Variants in DPYSL2 observed in about 807,000 individuals in gnomAD.
DPYSL2 encodes the protein dihydropyrimidinase like 2, also known as dihydropyrimidinase-related protein 2.
Under a neutral mutation model 69.9 loss-of-function variants are expected in DPYSL2, and 13 were observed. The observed-to-expected ratio is 0.19, with a 90% confidence interval of 0.12 to 0.30. The LOEUF (loss-of-function observed/expected upper bound fraction) is 0.30. Among genes scored for constraint, DPYSL2 ranks in the 10% least tolerant of loss-of-function variants. The pLI is 1.00. For missense variants in DPYSL2, 587 were observed against 918.9 expected (o/e 0.64, Z 4.67); for synonymous variants, 326 against 359.1 (o/e 0.91, Z 1.04).
In DPYSL2 at chr8:26,582,545, C is replaced by A. The variant is rs1220968183; in HGVS notation, c.443+488C>A. On this transcript the variant is annotated intron_variant, in intron 2 of 13. Transcript: ENST00000521913. The surrounding 1 kb of genome is among the most constrained non-coding windows in gnomAD (Gnocchi z 4.1). ...AATACAGACAAATTACTGCCTAAAT[C>A]CTGAGGGAATTTTAGGTTTTATTCT... Among the ~76,000 whole-genome samples, 8 of 152,176 alleles carry A rather than the reference C, an allele frequency of 5.3e-5. No individual in the cohort carries two copies. The highest frequency in any genetic ancestry group is 2.6e-4 in the Admixed American group (4 of 15,274).
At chr8:26,548,098 A>T in intron 1 of DPYSL2, 1 of 224,858 alleles carries the variant, frequency 4.4e-6, no homozygotes, top group Non-Finnish European at 9.2e-6. Context: ...GATGGACATT[A>T]TTTTGGGATA....
chr8:26,519,305 T>G (rs1808347566), intron 1 of DPYSL2, among the ~76,000 whole-genome samples: 1 of 152,230 alleles, frequency 6.6e-6, no homozygotes, highest in African/African-American at 2.4e-5. Context: ...AGAGACCTAA[T>G]GATTGTTTAA....
chr8:26,616,716 G>T (rs944851044), intron 3 of DPYSL2, among the ~76,000 whole-genome samples: 1 of 152,214 alleles, frequency 6.6e-6, no homozygotes, highest in South Asian at 2.1e-4. Context: ...TCGGAGGGCT[G>T]AGTGATGGCT....
intron 1 of DPYSL2, among the ~76,000 whole-genome samples, chr8:26,526,138 A>T (rs1401293606): frequency 1.3e-5 from 2 of 152,072 alleles, no homozygotes; most frequent in Non-Finnish European, 2.9e-5. Context: ...TGTGTCACCC[A>T]GGCTGGAGTG....
At chr8:26,537,354 A>T (rs577854076) in intron 1 of DPYSL2, among the ~76,000 whole-genome samples, 16 of 152,230 alleles carry the variant, frequency 1.1e-4, no homozygotes, top group Admixed American at 1.0e-3. Context: ...GAGCTGCAGG[A>T]TGATTCAGCA....
At position 26,650,184 on chromosome 8, in the gene DPYSL2, A is replaced by C. The variant is rs116143971; in HGVS notation, c.1597-2073A>C. On this transcript the variant is annotated intron_variant, in intron 11 of 13. Transcript: ENST00000521913. This position sits in a 1 kb window ranked among gnomAD's most constrained non-coding sequence, Gnocchi z 5.3. ...TCTCACATGAGTCCTGCAAAGGGGG[A>C]CCTACTTACCCCTCACAGATGAGGA... Among the ~76,000 whole-genome samples, 284 of 152,230 alleles carry C rather than the reference A, an allele frequency of 1.9e-3. No individual in the cohort carries two copies. The highest frequency in any genetic ancestry group is 6.4e-3 in the African/African-American group (267 of 41,532).
At chr8:26,622,416 A>C (rs1317113661) in intron 3 of DPYSL2, among the ~76,000 whole-genome samples, 1 of 151,786 alleles carries the variant, frequency 6.6e-6, no homozygotes, top group Non-Finnish European at 1.5e-5. Context: ...AAATTTTGTC[A>C]AAAGAAAATT....
At position 26,640,705 on chromosome 8, in the gene DPYSL2, A is replaced by G. The variant is rs1803021590; in HGVS notation, c.1127-2734A>G. On this transcript the variant is annotated intron_variant, in intron 8 of 13. Transcript: ENST00000521913. The surrounding 1 kb of genome is among the most constrained non-coding windows in gnomAD (Gnocchi z 4.2). ...CTAAGAAAGAAAGAAAATCCAAAAGACAGCAAGGACCTCTGAATCCCTGAG... is the reference window on the plus strand; with the variant it reads ...CTAAGAAAGAAAGAAAATCCAAAAGGCAGCAAGGACCTCTGAATCCCTGAG... Among the ~76,000 whole-genome samples the G allele has an allele frequency of 6.6e-6, 1 of 152,164 alleles. No homozygotes were observed.
chr8:26,536,745 G>T (rs1433101222), intron 1 of DPYSL2, among the ~76,000 whole-genome samples: 1 of 152,160 alleles, frequency 6.6e-6, no homozygotes, highest in Non-Finnish European at 1.5e-5. Flanking sequence ...TTATGAAAGG[G>T]AATAAATTGT....
In DPYSL2 at chr8:26,561,950, C is replaced by T. The variant is rs189389695; in HGVS notation, c.355-20019C>T. On this transcript the variant is annotated intron_variant, in intron 1 of 13. Transcript: ENST00000521913. ...GCAGCCCAGGGGTTGGGGACCCCTG[C>T]GTTAATATACCACCATTCAACTTTG... Among the ~76,000 whole-genome samples, 31 of 152,224 alleles carry T rather than the reference C, an allele frequency of 2.0e-4. No individual in the cohort carries two copies. In the East Asian group the frequency reaches 5.2e-3, roughly 26 times the overall value.
At chr8:26,613,374 A>G (rs1200540297) in intron 3 of DPYSL2, among the ~76,000 whole-genome samples, 1 of 152,216 alleles carries the variant, frequency 6.6e-6, no homozygotes, top group Non-Finnish European at 1.5e-5. Context: ...TCCAGGGCCC[A>G]GGCCATGAGG....
intron 7 of DPYSL2, among the ~76,000 whole-genome samples, chr8:26,629,531 C>T (rs1802694511): frequency 6.6e-6 from 1 of 152,168 alleles, no homozygotes; most frequent in African/African-American, 2.4e-5. Context: ...GGGATGCAGG[C>T]CCTTTTGTAG....
intron 1 of DPYSL2, among the ~76,000 whole-genome samples, chr8:26,518,105 C>T (rs1199418699): frequency 6.6e-6 from 1 of 152,206 alleles, no homozygotes; most frequent in African/African-American, 2.4e-5. Context: ...AAGCCATCTG[C>T]TCCTCAGGCA....
At chr8:26,645,465 A>T (rs1803142119) in intron 10 of DPYSL2, among the ~76,000 whole-genome samples, 1 of 152,158 alleles carries the variant, frequency 6.6e-6, no homozygotes, top group South Asian at 2.1e-4. Context: ...TTTAAAAAAA[A>T]TTTTATCATG....
At chr8:26,551,423 T>C (rs552693308) in intron 1 of DPYSL2, among the ~76,000 whole-genome samples, 3 of 152,208 alleles carry the variant, frequency 2.0e-5, no homozygotes, top group African/African-American at 7.2e-5. Flanking sequence ...CAACAGAGCA[T>C]CAAAATACAT....
chr8:26,616,800 C>T (rs1387811192), intron 3 of DPYSL2, among the ~76,000 whole-genome samples: 1 of 143,360 alleles, frequency 7.0e-6, no homozygotes, highest in Non-Finnish European at 1.5e-5. Flanking sequence ...TGACCTCTCT[C>T]CTCCCTCATG....
chr8:26,634,268 T>A (rs1338423594), intron 7 of DPYSL2, among the ~76,000 whole-genome samples: 1 of 152,062 alleles, frequency 6.6e-6, no homozygotes, highest in Non-Finnish European at 1.5e-5. Flanking sequence ...GGGAGTTTTC[T>A]TTTCTTTTTC....
rs539649447 is a variant in DPYSL2, at chr8:26,523,175, A to T, written c.354+8496A>T. ...CATGTATATATATATATATATTTTT[A>T]AATAATATTTAAAATTTGCTTTCTA... On this transcript the variant is annotated intron_variant, in intron 1 of 13. Coordinates refer to ENST00000521913, the MANE Select transcript of DPYSL2 (RefSeq NM_001197293.3). 8.6e-5 allele frequency among the ~76,000 whole-genome samples: 13 copies of T among 151,114 alleles called. No homozygotes were observed. In the East Asian group the frequency reaches 1.5e-3, roughly 18 times the overall value.
intron 3 of DPYSL2, among the ~76,000 whole-genome samples, chr8:26,590,178 G>T (rs528191839): frequency 4.2e-4 from 64 of 152,120 alleles, no homozygotes; most frequent in Non-Finnish European, 7.4e-4. Flanking sequence ...TTACAAAAAC[G>T]CCCGACCACA....
Sources: gnomAD v4.1 joint callset for allele counts (sites outside exome capture counted in the v4.1 genomes callset) on GRCh38, gnomAD v4.1.1 for gene constraint, Gnocchi (gnomAD v3.1) non-coding constraint, MANE v1.5 for transcripts, NCBI Gene and HGNC (gene_info 2026-07-23, HGNC 2026-07-21) for gene names.